The following OPA1 variants were observed in gnomAD, a reference collection of about 807,000 sequenced individuals.
The protein encoded by OPA1 is OPA1 mitochondrial dynamin like GTPase.
Under a neutral mutation model 152.9 loss-of-function variants are expected in OPA1, and 59 were observed. The observed-to-expected ratio is 0.39, with a 90% CI of 0.31 to 0.48. The LOEUF (loss-of-function observed/expected upper bound fraction) is 0.48, where lower values mean the gene tolerates loss of function less well. Ranked by LOEUF, OPA1 falls within the 20% of genes least tolerant of loss-of-function variation. OPA1 has a pLI of 0.96. For missense variants in OPA1, 1,008 were observed against 1,216.8 expected, an observed-to-expected ratio of 0.83 and a Z score of 2.55; for synonymous variants, 400 against 389.9, an observed-to-expected ratio of 1.03 and a Z score of -0.31.
chr3:193,676,979 CAAAAAAAAAAAAA>C (rs151218523), intron 29 of OPA1, among the ~76,000 whole-genome samples: 1 of 70,834 alleles, frequency 1.4e-5, no homozygotes, highest in South Asian at 5.8e-4. Context: ...AGACTCGTCT[CAAAAAAAAAAAAA>C]AAAAAAAAAA....
intron 7 of OPA1, among the ~76,000 whole-genome samples, chr3:193,629,150 T>C (rs1158425620): frequency 1.3e-5 from 2 of 151,944 alleles, no homozygotes; most frequent in African/African-American, 4.8e-5. Flanking sequence ...CGACCTCAGG[T>C]GATCCGCCTG....
In OPA1 at chr3:193,666,400, T is replaced by C. The variant is rs1436681516; in HGVS notation, c.2872+11T>C. ...TTACAAATACTGAAGGTAAGCCACA[T>C]AGGGACTGCAGTCTTATTTTGACAT... On this transcript the variant is annotated intron_variant, in intron 28 of 30. Transcript: ENST00000361510. The C allele has an allele frequency of 2.5e-6, 4 of 1,588,866 alleles. No homozygotes were observed. Among genetic ancestry groups the C allele is most frequent in the Non-Finnish European group, 2.6e-6 (3 of 1,156,944 alleles).
At position 193,645,822 on chromosome 3, in the gene OPA1, T is replaced by A. The variant is rs181194653; in HGVS notation, c.1754+22T>A. 3 of 1,555,430 alleles carry A rather than the reference T, an allele frequency of 1.9e-6. No homozygotes were observed. In the South Asian group the frequency reaches 3.4e-5, roughly 17 times the overall value. ...TAAAGTAGGTATCTTGTTAAAACATTTAAACATTTTACAGTAAGAGAGTAG... is the reference window on the plus strand; with the variant it reads ...TAAAGTAGGTATCTTGTTAAAACATATAAACATTTTACAGTAAGAGAGTAG... On this transcript the variant is annotated intron_variant, in intron 18 of 30. Transcript: ENST00000361510.
rs373593484 is a variant in OPA1, at chr3:193,645,565, A to T, written c.1621A>T (p.Ile541Phe). The part of the protein sequence containing the change: ...VASPSRIQQI[I>F]EGKLFPMKAL... ...CTTTTAAAAATAGATTCAGCAGATAATTGAAGGAAAGCTCTTCCCAATGAA... is the reference window on the plus strand; with the variant it reads ...CTTTTAAAAATAGATTCAGCAGATATTTGAAGGAAAGCTCTTCCCAATGAA... Residue 541 changes from isoleucine (I) to phenylalanine (F), a missense_variant, in exon 17 of 31, where the codon ATT becomes TTT. Transcript: ENST00000361510. 1.9e-5 allele frequency: 30 copies of T among 1,612,472 alleles called. No homozygotes were observed. Among genetic ancestry groups the T allele is most frequent in the Non-Finnish European group, 2.5e-5 (29 of 1,178,982 alleles).
At chr3:193,675,151 C>G (rs1023682278) in intron 29 of OPA1, among the ~76,000 whole-genome samples, 1 of 151,908 alleles carries the variant, frequency 6.6e-6, no homozygotes. Context: ...CTTTTTGTTT[C>G]TGTAGACTTA....
At chr3:193,631,740 T>G in intron 8 of OPA1, 75 bp downstream of exon 8, 1 of 1,338,484 alleles carries the variant, frequency 7.5e-7, no homozygotes, top group East Asian at 2.3e-5. Context: ...ATATGGACAT[T>G]TATTTTTTCA....
At chr3:193,613,658 A>G (rs1445837646) in intron 1 of OPA1, among the ~76,000 whole-genome samples, 2 of 151,558 alleles carry the variant, frequency 1.3e-5, no homozygotes, top group Non-Finnish European at 2.9e-5. Context: ...GCTTACTGCA[A>G]CCTCTGCCTC....
At chr3:193,618,781 C>A in intron 5 of OPA1, 88 bp from the exon 6 acceptor site, 2 of 1,062,588 alleles carry the variant, frequency 1.9e-6, no homozygotes, top group Non-Finnish European at 2.9e-6. Context: ...AATCCATTCA[C>A]CTTTTCATTG....
At chr3:193,617,919 C>A in intron 5 of OPA1, 82 bp downstream of exon 5, 2 of 941,516 alleles carry the variant, frequency 2.1e-6, no homozygotes, top group South Asian at 1.3e-5. Flanking sequence ...AATTGCAGAC[C>A]AAATTTATAA....
chr3:193,603,804 CAA>C (rs1398756134), intron 1 of OPA1, among the ~76,000 whole-genome samples: 1 of 152,018 alleles, frequency 6.6e-6, no homozygotes, highest in Non-Finnish European at 1.5e-5. Context: ...GACCCATCAA[CAA>C]AAAGTGTTAA....
chr3:193,665,523 TAA>T (rs946058148), intron 27 of OPA1, among the ~76,000 whole-genome samples: 8 of 152,160 alleles, frequency 5.3e-5, no homozygotes, highest in Admixed American at 5.2e-4. Context: ...TAAATAATCA[TAA>T]AGTTCTTGTA....
chr3:193,596,538 C>A (rs886460230), intron 1 of OPA1, among the ~76,000 whole-genome samples: 4 of 151,906 alleles, frequency 2.6e-5, no homozygotes, highest in African/African-American at 9.7e-5. Context: ...CTGCATTTGG[C>A]GGCAACTTAA....
At chr3:193,595,569 T>G (rs970675739) in intron 1 of OPA1, among the ~76,000 whole-genome samples, 1 of 152,372 alleles carries the variant, frequency 6.6e-6, no homozygotes, top group South Asian at 2.1e-4. Flanking sequence ...AGAATTCTTA[T>G]GACAATCTGA....
chr3:193,677,923 G>C (rs753545282), intron 29 of OPA1, among the ~76,000 whole-genome samples: 1 of 152,206 alleles, frequency 6.6e-6, no homozygotes, highest in Non-Finnish European at 1.5e-5. Context: ...ACCATCCTCA[G>C]TGGTTGGGGG....
In OPA1 at chr3:193,618,981, T is replaced by G. The variant is rs374767769; in HGVS notation, c.678+45T>G. On this transcript the variant is annotated intron_variant, in intron 6 of 30. Transcript: ENST00000361510. ...GTTCATGTAGGTAGTCTTGAAAGAT[T>G]TTTTAAAGTTTTTACTTCTTTGGAA... 639 of 1,437,450 alleles carry G rather than the reference T, an allele frequency of 4.4e-4. 3 individuals are homozygous for G. Among genetic ancestry groups the G allele is most frequent in the Middle Eastern group, 1.7e-4 (1 of 5,746 alleles). 89.0% of individuals were successfully genotyped at this position (1,437,450 alleles called of 1,614,324 possible).
intron 8 of OPA1, among the ~76,000 whole-genome samples, chr3:193,634,917 T>C (rs1732710548): frequency 6.6e-6 from 1 of 152,206 alleles, no homozygotes. Context: ...AGGGAGTTAA[T>C]GCGTTTGCAC....
At chr3:193,659,948 C>G (rs778944161) in intron 25 of OPA1, among the ~76,000 whole-genome samples, 39 of 151,824 alleles carry the variant, frequency 2.6e-4, no homozygotes, top group Non-Finnish European at 4.4e-4. Context: ...GAGTTCGAGA[C>G]CAGCCTGGGC....
rs541776503 is a variant in OPA1 at position 193,631,152 on chromosome 3, T to C, written c.790-460T>C. Among the ~76,000 whole-genome samples, 137 of 152,328 alleles carry C rather than the reference T, an allele frequency of 9.0e-4. 1 individual carries two copies. The South Asian group carries it at 9.1e-3, about 10-fold the overall frequency. ...GATACAATACAAAAATATTTCCTTA[T>C]AAGATACACTGTGACCAATGAGCTT... On this transcript the variant is annotated intron_variant, in intron 7 of 30. Transcript: ENST00000361510.
chr3:193,657,293 A>G, intron 23 of OPA1, 61 bp downstream of exon 23: 1 of 1,509,926 alleles, frequency 6.6e-7, no homozygotes, highest in Non-Finnish European at 9.2e-7. Context: ...TCAAATTGAT[A>G]CTTTTTCATA....
Sources: gnomAD v4.1 joint callset for allele counts (sites outside exome capture counted in the v4.1 genomes callset) on GRCh38, gnomAD v4.1.1 for gene constraint, MANE v1.5 for transcripts, NCBI Gene and HGNC (gene_info 2026-07-23, HGNC 2026-07-21) for gene names.